FAF1: variants seen among roughly 807,000 people sequenced by gnomAD.
FAF1 encodes FAS-associated factor 1.
A neutral mutation model predicts 92.5 loss-of-function variants in FAF1; 25 were observed. The observed-to-expected ratio is 0.27, with a 90% CI of 0.20 to 0.38. FAF1 has a LOEUF of 0.38. Ranked by LOEUF, FAF1 falls within the 10% of genes least tolerant of loss-of-function variation. The pLI is 1.00. For missense variants in FAF1, 636 were observed against 793.3 expected (o/e 0.80, Z 2.38); for synonymous variants, 234 against 273.2 (o/e 0.86, Z 1.42).
chr1:50,884,349 A>G (rs1041902287), intron 1 of FAF1, among the ~76,000 whole-genome samples: 1 of 151,114 alleles, frequency 6.6e-6, no homozygotes, highest in Non-Finnish European at 1.5e-5. Flanking sequence ...CCCTGCCTCT[A>G]CTAAAAAAAA....
At chr1:50,881,859 T>G (rs556628219) in intron 1 of FAF1, among the ~76,000 whole-genome samples, 6 of 152,220 alleles carry the variant, frequency 3.9e-5, no homozygotes, top group Admixed American at 1.3e-4. Context: ...AGTGCATTTA[T>G]GAGAAGGCAA....
intron 15 of FAF1, among the ~76,000 whole-genome samples, 160 bp downstream of exon 15, chr1:50,535,209 G>A (rs1173350795): frequency 6.6e-6 from 1 of 152,110 alleles, no homozygotes; most frequent in Non-Finnish European, 1.5e-5. Flanking sequence ...AGAATGGACT[G>A]AAAGGTAAAC....
At chr1:50,935,630 C>A (rs187095296) in intron 1 of FAF1, among the ~76,000 whole-genome samples, 1 of 151,860 alleles carries the variant, frequency 6.6e-6, no homozygotes, top group South Asian at 2.1e-4. Flanking sequence ...ACCACCACGC[C>A]CCCAGCTAAT....
At chr1:50,865,509 T>TA (rs1273770165) in intron 1 of FAF1, among the ~76,000 whole-genome samples, 9 of 142,032 alleles carry the variant, frequency 6.3e-5, no homozygotes, top group Admixed American at 4.3e-4. Context: ...TATGCAGCCA[T>TA]AAAAAATGAT....
chr1:50,486,745 C>T (rs956301336), intron 17 of FAF1, among the ~76,000 whole-genome samples: 2 of 152,164 alleles, frequency 1.3e-5, no homozygotes, highest in African/African-American at 4.8e-5. Context: ...ATAATGTCCA[C>T]AGCACCTGAT....
chr1:50,721,240 T>C (rs1396756034), intron 6 of FAF1, among the ~76,000 whole-genome samples: 1 of 152,042 alleles, frequency 6.6e-6, no homozygotes, highest in Non-Finnish European at 1.5e-5. Context: ...ACCACCAGGC[T>C]GGAGATAAGT....
At chr1:50,653,800 G>A (rs1312405388) in intron 8 of FAF1, among the ~76,000 whole-genome samples, 2 of 152,032 alleles carry the variant, frequency 1.3e-5, no homozygotes, top group African/African-American at 2.4e-5. Context: ...AACCCAGGAG[G>A]TGGAGGTTGC....
At chr1:50,885,997 CT>C (rs1644659750) in intron 1 of FAF1, among the ~76,000 whole-genome samples, 1 of 152,152 alleles carries the variant, frequency 6.6e-6, no homozygotes, top group African/African-American at 2.4e-5. Flanking sequence ...ATCAGCCCCC[CT>C]CTTTTTAACT....
In FAF1 at chr1:50,959,867, G is replaced by T; in HGVS notation, c.-56C>A. The T allele has an allele frequency of 2.9e-6, 4 of 1,370,284 alleles. No homozygotes were observed. The highest frequency in any genetic ancestry group is 2.2e-5 in the Admixed American group (1 of 46,158). 84.9% of individuals were successfully genotyped at this position (1,370,284 alleles called of 1,614,324 possible). On this transcript the variant is annotated 5_prime_UTR_variant, in exon 1 of 19. Coordinates refer to ENST00000396153, the MANE Select transcript of FAF1 (RefSeq NM_007051.3). ...CGAAGCGCGCACCTGGGAGGCAGACGGCACCTCCTGCGACCGTCGCCGCCA... is the reference window on the plus strand; with the variant it reads ...CGAAGCGCGCACCTGGGAGGCAGACTGCACCTCCTGCGACCGTCGCCGCCA...
At chr1:50,910,549 G>T (rs567610992) in intron 1 of FAF1, among the ~76,000 whole-genome samples, 2 of 152,094 alleles carry the variant, frequency 1.3e-5, no homozygotes, top group African/African-American at 2.4e-5. Flanking sequence ...TCGAGCTTCC[G>T]GGCCACTTTG....
intron 8 of FAF1, among the ~76,000 whole-genome samples, chr1:50,624,369 G>A (rs1288770228): frequency 2.0e-5 from 3 of 152,052 alleles, no homozygotes; most frequent in African/African-American, 7.2e-5. Context: ...AGGCTGGTTC[G>A]AACTCCTGAC....
chr1:50,816,484 G>A (rs1019061603), intron 2 of FAF1, among the ~76,000 whole-genome samples: 2 of 151,844 alleles, frequency 1.3e-5, no homozygotes, highest in South Asian at 4.2e-4. Context: ...GATTACAGGC[G>A]TGAGCCACCA....
At chr1:50,878,046 A>G (rs1474212088) in intron 1 of FAF1, among the ~76,000 whole-genome samples, 1 of 152,242 alleles carries the variant, frequency 6.6e-6, no homozygotes, top group East Asian at 1.9e-4. Flanking sequence ...CTTCTGTAGT[A>G]CCAATTAGCT....
rs912601059 is a variant in FAF1, at chr1:50,931,709, T to TACA, written c.45+28055_45+28057dup. ...AGTGAAACCCCATCTCTACTAAAAA[T>TACA]ACAACAACAACAAAAAAATTAGCCA... On this transcript the variant is annotated intron_variant, in intron 1 of 18. Coordinates refer to ENST00000396153, the MANE Select transcript of FAF1 (RefSeq NM_007051.3). 2.6e-5 allele frequency among the ~76,000 whole-genome samples: 4 copies of TACA among 151,388 alleles called. No individual in the cohort carries two copies. The East Asian group carries it at 5.8e-4, about 22-fold the overall frequency.
chr1:50,949,092 G>A (rs1432896359), intron 1 of FAF1, among the ~76,000 whole-genome samples: 4 of 152,140 alleles, frequency 2.6e-5, no homozygotes, highest in Non-Finnish European at 5.9e-5. Context: ...AGGAATGGAC[G>A]GAATTTCAAA....
intron 8 of FAF1, among the ~76,000 whole-genome samples, chr1:50,613,392 A>G (rs927309980): frequency 1.3e-5 from 2 of 152,188 alleles, no homozygotes; most frequent in African/African-American, 4.8e-5. Flanking sequence ...GAACTTACGC[A>G]TCTTCATTTT....
At chr1:50,524,022 GCT>G (rs768273185) in intron 15 of FAF1, among the ~76,000 whole-genome samples, 100 of 152,120 alleles carry the variant, frequency 6.6e-4, no homozygotes, top group African/African-American at 1.9e-3. Flanking sequence ...GTGTGTAAGC[GCT>G]CTCTTTTCTC....
chr1:50,816,740 G>A (rs779706568), intron 2 of FAF1, among the ~76,000 whole-genome samples: 2 of 152,138 alleles, frequency 1.3e-5, no homozygotes, highest in African/African-American at 2.4e-5. Context: ...TGAGGACTTA[G>A]TCATAATTCT....
At chr1:50,736,791 T>A (rs1275223135) in intron 6 of FAF1, among the ~76,000 whole-genome samples, 1 of 152,078 alleles carries the variant, frequency 6.6e-6, no homozygotes, top group Admixed American at 6.6e-5. Context: ...TGTCAAAATA[T>A]TTTTATTTGA....
Sources: allele counts gnomAD v4.1 joint callset (sites outside exome capture counted in the v4.1 genomes callset), GRCh38; gene constraint gnomAD v4.1.1; transcripts MANE v1.5; gene names NCBI Gene and HGNC (gene_info 2026-07-23, HGNC 2026-07-21).